The following EPHA6 variants were observed in gnomAD, a reference collection of about 807,000 sequenced individuals.
EPHA6 encodes ephrin type-A receptor 6.
Under a neutral mutation model 112.0 loss-of-function variants are expected in EPHA6, and 50 were observed. The ratio of observed to expected loss-of-function variants is 0.45; its 90% CI spans 0.36 to 0.56. The LOEUF is 0.56. Ranked by LOEUF, EPHA6 falls within the 20% of genes least tolerant of loss-of-function variation. EPHA6 has a pLI of 0.00. For synonymous variants in EPHA6, 529 were observed against 490.7 expected, an observed-to-expected ratio of 1.08 and a Z score of -1.03; for missense variants, 1,280 against 1,417.4, an observed-to-expected ratio of 0.90 and a Z score of 1.56.
chr3:97,751,877 T>A lies in EPHA6; in HGVS notation c.*3176T>A, dbSNP rs1238642403. ...TAAAACCAGACAGTTAAAAAATCAT[T>A]TTCATTTTATTTCTAGATGGTCAAT... On this transcript the variant is annotated 3_prime_UTR_variant, in exon 18 of 18. Transcript: ENST00000389672. 2.6e-5 allele frequency among the ~76,000 whole-genome samples: 4 copies of A among 152,124 alleles called. No homozygotes were observed. The highest frequency in any genetic ancestry group is 9.6e-5 in the African/African-American group (4 of 41,452).
At chr3:97,247,126 T>C (rs1459923573) in intron 5 of EPHA6, among the ~76,000 whole-genome samples, 2 of 152,030 alleles carry the variant, frequency 1.3e-5, no homozygotes, top group Non-Finnish European at 2.9e-5. Context: ...TTGGGAATTC[T>C]CTTTTAACTG....
intron 14 of EPHA6, among the ~76,000 whole-genome samples, chr3:97,713,477 G>A (rs1037366614): frequency 2.6e-5 from 4 of 152,112 alleles, no homozygotes; most frequent in Admixed American, 6.5e-5. Context: ...GTTTACCATC[G>A]ATTTCTGCAG....
At chr3:97,343,758 T>G (rs2108868284) in intron 5 of EPHA6, among the ~76,000 whole-genome samples, 1 of 152,272 alleles carries the variant, frequency 6.6e-6, no homozygotes, top group African/African-American at 2.4e-5. Flanking sequence ...CAAAGGTGAC[T>G]TGGAGATCAT....
chr3:97,460,928 A>G (rs9881301), intron 7 of EPHA6, among the ~76,000 whole-genome samples: 2,872 of 152,264 alleles, frequency 0.019, 105 homozygotes, highest in African/African-American at 0.066. Context: ...GTGTCCCAGT[A>G]AACCCCATCT....
At chr3:96,969,678 A>C (rs1310546013) in intron 2 of EPHA6, among the ~76,000 whole-genome samples, 1 of 152,004 alleles carries the variant, frequency 6.6e-6, no homozygotes, top group East Asian at 1.9e-4. Flanking sequence ...ACTCTTCTCC[A>C]GATTTCTGTG....
intron 7 of EPHA6, among the ~76,000 whole-genome samples, chr3:97,467,357 A>G (rs922063009): frequency 7.2e-5 from 11 of 151,828 alleles, no homozygotes; most frequent in African/African-American, 2.7e-4. Flanking sequence ...TACAGTTCAT[A>G]CAACTTATGA....
chr3:96,926,635 A>G (rs1056113765), intron 2 of EPHA6, among the ~76,000 whole-genome samples: 3 of 152,244 alleles, frequency 2.0e-5, no homozygotes, highest in African/African-American at 7.2e-5. Context: ...ATTGGCCAAA[A>G]CAAAGGGGCT....
chr3:97,344,708 G>A (rs1407231848), intron 5 of EPHA6, among the ~76,000 whole-genome samples: 3 of 152,164 alleles, frequency 2.0e-5, no homozygotes, highest in African/African-American at 2.4e-5. Flanking sequence ...TTGTCAGTAC[G>A]TGATATTGTC....
At chr3:97,741,347 C>T (rs1024037467) in intron 16 of EPHA6, among the ~76,000 whole-genome samples, 5 of 151,202 alleles carry the variant, frequency 3.3e-5, no homozygotes, top group Non-Finnish European at 5.9e-5. Context: ...AGTGAGACTC[C>T]GTATCTAAAA....
At chr3:97,398,914 AAT>A (rs1237521682) in intron 5 of EPHA6, among the ~76,000 whole-genome samples, 1 of 151,680 alleles carries the variant, frequency 6.6e-6, no homozygotes, top group Non-Finnish European at 1.5e-5. Flanking sequence ...AAATCAAGGT[AAT>A]TAACATATAC....
intron 5 of EPHA6, among the ~76,000 whole-genome samples, chr3:97,258,581 TG>T (rs1194207409): frequency 1.3e-5 from 2 of 152,316 alleles, no homozygotes; most frequent in African/African-American, 4.8e-5. Context: ...TTTAGTCTGC[TG>T]TTTACCATCT....
chr3:96,937,660 T>C (rs1559605311), intron 2 of EPHA6, among the ~76,000 whole-genome samples: 1 of 152,210 alleles, frequency 6.6e-6, no homozygotes, highest in Non-Finnish European at 1.5e-5. Flanking sequence ...GCTTGTGGTG[T>C]TTTAGACATG....
At chr3:97,663,621 G>A (rs2094185230) in intron 14 of EPHA6, among the ~76,000 whole-genome samples, 1 of 151,950 alleles carries the variant, frequency 6.6e-6, no homozygotes, top group Non-Finnish European at 1.5e-5. Flanking sequence ...TGCTGAGAAT[G>A]ATGGTTTCCA....
intron 6 of EPHA6, among the ~76,000 whole-genome samples, chr3:97,445,933 A>C (rs2090329243): frequency 6.6e-6 from 1 of 152,132 alleles, no homozygotes; most frequent in Non-Finnish European, 1.5e-5. Context: ...TACAAACTCC[A>C]GAAAAGCACG....
intron 6 of EPHA6, among the ~76,000 whole-genome samples, chr3:97,424,139 G>T (rs1340018776): frequency 6.6e-6 from 1 of 152,186 alleles, no homozygotes; most frequent in Non-Finnish European, 1.5e-5. Context: ...ATGGCAGCAG[G>T]CAAGAGCAAG....
At chr3:97,654,875 G>A (rs1157122658) in intron 14 of EPHA6, among the ~76,000 whole-genome samples, 2 of 151,544 alleles carry the variant, frequency 1.3e-5, no homozygotes, top group South Asian at 2.1e-4. Context: ...TAAGCAAAGG[G>A]TGACATATGA....
intron 3 of EPHA6, among the ~76,000 whole-genome samples, chr3:97,049,557 C>A (rs139656124): frequency 3.3e-5 from 5 of 152,124 alleles, no homozygotes. Context: ...TCACCCAGAG[C>A]TTATTGATCA....
At chr3:97,198,951 T>C (rs1296177423) in intron 3 of EPHA6, among the ~76,000 whole-genome samples, 1 of 152,144 alleles carries the variant, frequency 6.6e-6, no homozygotes, top group East Asian at 1.9e-4. Flanking sequence ...CTCATGGCAT[T>C]CTTTCTCTCC....
chr3:97,145,284 A>T (rs2076012148), intron 3 of EPHA6, among the ~76,000 whole-genome samples: 1 of 151,388 alleles, frequency 6.6e-6, no homozygotes, highest in Non-Finnish European at 1.5e-5. Context: ...ATTTTTCTAC[A>T]TCTGTTTATC....
Sources: allele counts gnomAD v4.1 joint callset (sites outside exome capture counted in the v4.1 genomes callset), GRCh38; gene constraint gnomAD v4.1.1; transcripts MANE v1.5; gene names NCBI Gene and HGNC (gene_info 2026-07-23, HGNC 2026-07-21).